Variants in FMN2 observed in about 807,000 individuals in gnomAD.
FMN2 encodes the protein formin-2.
Under a neutral mutation model 142.3 loss-of-function variants are expected in FMN2, and 51 were observed. That is an observed-to-expected ratio of 0.36 (90% CI 0.29 to 0.45). The LOEUF (loss-of-function observed/expected upper bound fraction) is 0.45. Among genes scored for constraint, FMN2 ranks in the 20% least tolerant of loss-of-function variants. The probability of loss-of-function intolerance (pLI) is 1.00; values close to 1 mark genes in which losing one functional copy is unlikely to be tolerated. For missense variants in FMN2, 1,936 were observed against 2,122.8 expected (o/e 0.91, Z 1.73); for synonymous variants, 882 against 869.8 (o/e 1.01, Z -0.25).
rs559174144 is a variant in FMN2 at position 240,205,462 on chromosome 1, T to G, written c.1987-1337T>G. Among the ~76,000 whole-genome samples the G allele has an allele frequency of 1.5e-4, 21 of 137,852 alleles. No individual in the cohort carries two copies. In the South Asian group the frequency reaches 4.7e-3, roughly 31 times the overall value. The allele number at this position is 137,852 out of a possible 152,430, so 90.4% of individuals were successfully genotyped here. On this transcript the variant is annotated intron_variant, in intron 4 of 17. Coordinates refer to ENST00000319653, the MANE Select transcript of FMN2 (RefSeq NM_020066.5). ...AAGAAGGCAATGCTCTTTCCTTTTTTTTTTTTTTTTTTTTTTTGAGACGGA... is the reference window on the plus strand; with the variant it reads ...AAGAAGGCAATGCTCTTTCCTTTTTGTTTTTTTTTTTTTTTTTGAGACGGA...
At chr1:240,234,154 C>A (rs1172424285) in intron 6 of FMN2, among the ~76,000 whole-genome samples, 1 of 152,018 alleles carries the variant, frequency 6.6e-6, no homozygotes, top group Non-Finnish European at 1.5e-5. Context: ...GCTCATAGTG[C>A]CAGCTGGTTT....
intron 6 of FMN2, among the ~76,000 whole-genome samples, chr1:240,238,295 C>T (rs943474313): frequency 6.6e-6 from 1 of 152,152 alleles, no homozygotes; most frequent in Non-Finnish European, 1.5e-5. Context: ...ATTAGATATT[C>T]AATAGAGATA....
intron 2 of FMN2, among the ~76,000 whole-genome samples, chr1:240,134,124 A>G (rs943233751): frequency 1.3e-5 from 2 of 152,194 alleles, no homozygotes; most frequent in African/African-American, 2.4e-5. Flanking sequence ...AATGCTAGGT[A>G]ATTATTAGTG....
At chr1:240,137,603 A>T (rs926994363) in intron 2 of FMN2, among the ~76,000 whole-genome samples, 50 of 152,290 alleles carry the variant, frequency 3.3e-4, no homozygotes, top group African/African-American at 1.1e-3. Context: ...TATTTATGGA[A>T]TTTTTCTATG....
chr1:240,472,494 T>C (rs555152409), intron 17 of FMN2, 41 bp downstream of exon 17: 1 of 1,349,004 alleles, frequency 7.4e-7, no homozygotes. Context: ...TTCTTTGGCT[T>C]TTAAATCCTA....
chr1:240,254,373 T>A (rs1276638847), intron 6 of FMN2, among the ~76,000 whole-genome samples: 3 of 151,278 alleles, frequency 2.0e-5, no homozygotes, highest in Non-Finnish European at 4.4e-5. Context: ...TCAGAAGGAG[T>A]GCTCAGGTGT....
chr1:240,435,169 A>G (rs1434153917), intron 15 of FMN2, among the ~76,000 whole-genome samples: 1 of 144,382 alleles, frequency 6.9e-6, no homozygotes, highest in Non-Finnish European at 1.5e-5. Context: ...AAGTGAATAC[A>G]TATATTACTA....
chr1:240,113,271 A>G (rs1044261956), intron 1 of FMN2, among the ~76,000 whole-genome samples: 1 of 152,024 alleles, frequency 6.6e-6, no homozygotes, highest in African/African-American at 2.4e-5. Flanking sequence ...ACAGTTAAGA[A>G]GTAAGATTGT....
chr1:240,412,950 G>A (rs371954840), intron 15 of FMN2, among the ~76,000 whole-genome samples: 302 of 151,190 alleles, frequency 2.0e-3, no homozygotes, highest in Middle Eastern at 0.01. Context: ...GTGAAACCCC[G>A]TCTCTACTAA....
chr1:240,206,541 T>C (rs986027793), intron 4 of FMN2, among the ~76,000 whole-genome samples: 2 of 152,114 alleles, frequency 1.3e-5, no homozygotes, highest in African/African-American at 2.4e-5. Context: ...CTGTTCTCAG[T>C]GGTCTATTTG....
At chr1:240,406,673 C>G (rs1208970731) in intron 15 of FMN2, among the ~76,000 whole-genome samples, 1 of 152,036 alleles carries the variant, frequency 6.6e-6, no homozygotes, top group African/African-American at 2.4e-5. Flanking sequence ...ACTCATGGCT[C>G]TAGTTTGAAT....
chr1:240,437,970 T>C (rs1212207694), intron 15 of FMN2, 91 bp from the exon 16 acceptor site: 21 of 1,454,894 alleles, frequency 1.4e-5, no homozygotes, highest in Non-Finnish European at 1.9e-5. Flanking sequence ...TAATTGTGCA[T>C]GAATAAAATC....
chr1:240,392,697 C>T, intron 15 of FMN2, 135 bp downstream of exon 15: 1 of 635,130 alleles, frequency 1.6e-6, no homozygotes, highest in Non-Finnish European at 2.6e-6. Flanking sequence ...ATGGTGTGCT[C>T]TAAATCTACA....
chr1:240,341,481 A>G (rs1194701635), intron 13 of FMN2: 1 of 152,152 alleles, frequency 6.6e-6, no homozygotes, highest in Admixed American at 6.6e-5. Flanking sequence ...GTCTTTAAAA[A>G]AAAAAAAGTC....
chr1:240,347,328 C>T (rs749585095), intron 13 of FMN2, among the ~76,000 whole-genome samples: 1 of 152,164 alleles, frequency 6.6e-6, no homozygotes, highest in Non-Finnish European at 1.5e-5. Flanking sequence ...GTTCCACTGA[C>T]ATCTGAAACC....
chr1:240,410,353 C>T (rs1558476933), intron 15 of FMN2, among the ~76,000 whole-genome samples: 1 of 152,236 alleles, frequency 6.6e-6, no homozygotes, highest in East Asian at 1.9e-4. Flanking sequence ...ATCTAACGAT[C>T]TGAAAAATTG....
intron 14 of FMN2, among the ~76,000 whole-genome samples, chr1:240,358,233 A>G (rs980999497): frequency 6.6e-6 from 1 of 152,206 alleles, no homozygotes; most frequent in African/African-American, 2.4e-5. Context: ...AAGAAAATGT[A>G]TGCGTCTTAA....
intron 14 of FMN2, among the ~76,000 whole-genome samples, chr1:240,361,139 G>A (rs200147647): frequency 0.11 from 1,004 of 9,314 alleles, 17 homozygotes; most frequent in African/African-American, 0.45. Flanking sequence ...ATAAATATAT[G>A]TGTATATATA....
intron 1 of FMN2, among the ~76,000 whole-genome samples, chr1:240,106,953 G>A (rs1661638283): frequency 6.6e-6 from 1 of 151,578 alleles, no homozygotes; most frequent in Admixed American, 6.6e-5. Context: ...CAAAGTGCCG[G>A]TTTTACAGGC....
Sources: allele counts gnomAD v4.1 joint callset (sites outside exome capture counted in the v4.1 genomes callset), GRCh38; gene constraint gnomAD v4.1.1; transcripts MANE v1.5; gene names NCBI Gene and HGNC (gene_info 2026-07-23, HGNC 2026-07-21).